Variants in GLUD1 observed in about 807,000 individuals in gnomAD.
GLUD1 encodes glutamate dehydrogenase 1.
In GLUD1, 22 loss-of-function variants were observed where a neutral mutation model predicts 56.0. The ratio of observed to expected loss-of-function variants is 0.39; its 90% confidence interval spans 0.28 to 0.56. The LOEUF (loss-of-function observed/expected upper bound fraction) is 0.56, where lower values mean the gene tolerates loss of function less well. Among genes scored for constraint, GLUD1 ranks in the 20% least tolerant of loss-of-function variants. The probability of loss-of-function intolerance (pLI) is 0.58; values close to 1 mark genes in which losing one functional copy is unlikely to be tolerated. For synonymous variants in GLUD1, 223 were observed against 269.9 expected, an observed-to-expected ratio of 0.83 and a Z score of 1.70; for missense variants, 451 against 732.0, an observed-to-expected ratio of 0.62 and a Z score of 4.43.
intron 12 of GLUD1, 69 bp downstream of exon 12, chr10:87,053,273 G>T: frequency 1.0e-6 from 1 of 978,228 alleles, no homozygotes. Context: ...CAGTCTGGCG[G>T]CTGAGATAGC....
Position 87,059,258 on chromosome 10 carries a change from C to CA in GLUD1, c.1293dup (p.Ala432CysfsTer10). On this transcript the variant is annotated frameshift_variant, in exon 10 of 13. Coordinates refer to ENST00000277865, the MANE Select transcript of GLUD1 (RefSeq NM_005271.5). LOFTEE classifies it high-confidence loss of function. ...AAGTAAGATACTGTCACTCCTCCAG[C>CA]ATTCAAGTAGAGATCCTATGCACAA... 6.2e-7 allele frequency: 1 copy of CA among 1,613,676 alleles called. No individual in the cohort carries two copies. Among genetic ancestry groups the CA allele is most frequent in the South Asian group, 1.1e-5 (1 of 91,076 alleles).
At chr10:87,053,074 A>G (rs1259202105) in intron 12 of GLUD1, among the ~76,000 whole-genome samples, 1 of 152,182 alleles carries the variant, frequency 6.6e-6, no homozygotes. Context: ...AGTTTGGCTA[A>G]CTACTCCATA....
rs781371450 is a variant in GLUD1, at chr10:87,060,679, T to C, written c.1197+9A>G. 1.9e-6 allele frequency: 3 copies of C among 1,614,184 alleles called. No homozygotes were observed. The highest frequency in any genetic ancestry group is 2.5e-6 in the Non-Finnish European group (3 of 1,180,026). On this transcript the variant is annotated intron_variant, in intron 8 of 12. Coordinates refer to ENST00000277865, the MANE Select transcript of GLUD1 (RefSeq NM_005271.5). ...ATAATGTTGGTTCTGGTTTCTATAA[T>C]GTTGTCACCTTGGCTTTGACTCTGG...
chr10:87,072,099 C>T (rs181224220), intron 4 of GLUD1, among the ~76,000 whole-genome samples: 8 of 152,124 alleles, frequency 5.3e-5, no homozygotes, highest in African/African-American at 7.2e-5. Flanking sequence ...GTGATGAGAC[C>T]GTGTCTCCAC....
At chr10:87,056,115 C>CAAAA (rs201114912) in intron 11 of GLUD1, among the ~76,000 whole-genome samples, 19 of 62,752 alleles carry the variant, frequency 3.0e-4, no homozygotes, top group African/African-American at 4.3e-4. Context: ...GACTCTGTCT[C>CAAAA]AAAAAAAAAA....
intron 1 of GLUD1, among the ~76,000 whole-genome samples, chr10:87,086,832 G>GAAA (rs367807316): frequency 2.8e-5 from 2 of 70,418 alleles, no homozygotes; most frequent in African/African-American, 9.4e-5. Context: ...CCGTCTCAAA[G>GAAA]AAAAAAAAAA....
At chr10:87,084,967 A>C (rs1252044936) in intron 1 of GLUD1, among the ~76,000 whole-genome samples, 1 of 152,230 alleles carries the variant, frequency 6.6e-6, no homozygotes, top group Non-Finnish European at 1.5e-5. Flanking sequence ...CCCACAAGTA[A>C]TGACCACCTG....
At chr10:87,067,473 G>A (rs1010963398) in intron 5 of GLUD1, among the ~76,000 whole-genome samples, 1 of 152,190 alleles carries the variant, frequency 6.6e-6, no homozygotes, top group Non-Finnish European at 1.5e-5. Context: ...TGATCCACCT[G>A]CCTTGGCCAC....
rs1845621067 is a variant in GLUD1, at chr10:87,051,143, G to A, written c.*608C>T. The A allele has an allele frequency of 5.9e-6, 1 of 168,976 alleles. No individual in the cohort carries two copies. Among genetic ancestry groups the A allele is most frequent in the Non-Finnish European group, 1.4e-5 (1 of 69,854 alleles). The allele number at this position is 168,976 out of a possible 1,614,324, so 10.5% of individuals were successfully genotyped here. ...ATTTCTATAGGCATTCACTGTTTGA[G>A]TCAAGGTTAGGCTTGTTAAGTGATT... On this transcript the variant is annotated 3_prime_UTR_variant, in exon 13 of 13. Transcript: ENST00000277865.
intron 11 of GLUD1, among the ~76,000 whole-genome samples, chr10:87,056,115 CAAAA>C (rs201114912): frequency 6.4e-5 from 4 of 62,758 alleles, no homozygotes; most frequent in African/African-American, 2.2e-4. Context: ...GACTCTGTCT[CAAAA>C]AAAAAAAAAA....
intron 10 of GLUD1, 127 bp from the exon 11 acceptor site, chr10:87,057,909 C>A: frequency 1.5e-6 from 1 of 659,756 alleles, no homozygotes; most frequent in East Asian, 2.8e-5. Context: ...TGGTCTGTCA[C>A]CCAGGCTGGA....
At chr10:87,056,115 C>CAA (rs201114912) in intron 11 of GLUD1, among the ~76,000 whole-genome samples, 1,355 of 62,298 alleles carry the variant, frequency 0.022, 33 homozygotes, top group Non-Finnish European at 0.027. Flanking sequence ...GACTCTGTCT[C>CAA]AAAAAAAAAA....
intron 1 of GLUD1, among the ~76,000 whole-genome samples, chr10:87,085,084 C>T (rs1407198680): frequency 2.0e-5 from 3 of 152,122 alleles, no homozygotes; most frequent in East Asian, 3.9e-4. Context: ...GTGGCTCACG[C>T]GTGTAATCCC....
chr10:87,064,334 G>T lies in GLUD1; in HGVS notation c.742-1499C>A, dbSNP rs370845757. ...TTCCAAGACATCAACTATACTATAA[G>T]CACGGCCACGAGAACACTGCAGAGT... On this transcript the variant is annotated intron_variant, in intron 5 of 12. Transcript: ENST00000277865. Among the ~76,000 whole-genome samples the T allele has an allele frequency of 2.2e-4, 33 of 152,298 alleles. No individual in the cohort carries two copies. The East Asian group carries it at 5.4e-3, about 25-fold the overall frequency.
At chr10:87,073,912 C>T (rs569384890) in intron 4 of GLUD1, among the ~76,000 whole-genome samples, 7 of 152,092 alleles carry the variant, frequency 4.6e-5, no homozygotes, top group African/African-American at 1.4e-4. Flanking sequence ...TGAGCCACCA[C>T]GCTCGGCAGT....
intron 11 of GLUD1, among the ~76,000 whole-genome samples, chr10:87,056,115 C>CAAAAAAAAAA (rs201114912): frequency 1.6e-5 from 1 of 62,758 alleles, no homozygotes; most frequent in Non-Finnish European, 2.8e-5. Context: ...GACTCTGTCT[C>CAAAAAAAAAA]AAAAAAAAAA....
chr10:87,059,401 A>G (rs902602552), intron 9 of GLUD1, 128 bp from the exon 10 acceptor site: 2 of 911,016 alleles, frequency 2.2e-6, no homozygotes, highest in Non-Finnish European at 3.6e-6. Context: ...TATTTTAGCC[A>G]GTATCAGGAA....
rs865878862 is a variant in GLUD1, at chr10:87,080,090, G to A, written c.446-3434C>T. Among the ~76,000 whole-genome samples, 37 of 151,958 alleles carry A rather than the reference G, an allele frequency of 2.4e-4. 1 individual carries two copies. The highest frequency in any genetic ancestry group is 3.4e-3 in the Middle Eastern group (1 of 294). ...GTGCCTGCGATTGCAGGCGCGCGCC[G>A]CCACGCCTGACTGGTTTTCGTATTT... On this transcript the variant is annotated intron_variant, in intron 1 of 12. Coordinates refer to ENST00000277865, the MANE Select transcript of GLUD1 (RefSeq NM_005271.5).
At chr10:87,074,478 A>C in intron 4 of GLUD1, 73 bp downstream of exon 4, 2 of 819,888 alleles carry the variant, frequency 2.4e-6, no homozygotes, top group Non-Finnish European at 4.4e-6. Context: ...ACAGAGTGAG[A>C]CTCCGTCTCA....
Sources: gnomAD v4.1 joint callset for allele counts (sites outside exome capture counted in the v4.1 genomes callset) on GRCh38, gnomAD v4.1.1 for gene constraint, MANE v1.5 for transcripts, NCBI Gene and HGNC (gene_info 2026-07-23, HGNC 2026-07-21) for gene names.